NBPF8: variants seen among roughly 807,000 people sequenced by gnomAD.
NBPF8 encodes the protein NBPF family member NBPF8.
intron 24 of NBPF8, 97 bp downstream of exon 22, chr1:120,465,468 G>A (rs1305296631): frequency 1.6e-5 from 8 of 495,762 alleles, no homozygotes; most frequent in East Asian, 1.1e-4. Context: ...CGTTTTCAAC[G>A]AAGACTGAAT....
At chr1:120,435,638 C>T (rs1329832122), upstream of NBPF8, among the ~76,000 whole-genome samples, 25 of 148,144 alleles carry the variant, frequency 1.7e-4, no homozygotes, top group African/African-American at 2.3e-4. Context: ...GTCAGGAGAT[C>T]GAGACCATCG....
intron 11 of NBPF8, among the ~76,000 whole-genome samples, chr1:120,450,508 T>A (rs1444893273): frequency 6.6e-6 from 1 of 152,174 alleles, no homozygotes; most frequent in Non-Finnish European, 1.5e-5. Context: ...TGCAGTGAAT[T>A]ACATGAGCTA....
intron 12 of NBPF8, among the ~76,000 whole-genome samples, chr1:120,451,864 C>A (rs1661284220): frequency 6.6e-6 from 1 of 151,056 alleles, no homozygotes; most frequent in East Asian, 1.9e-4. Flanking sequence ...TAGGAAGACA[C>A]CTACTTTTGT....
chr1:120,446,247 T>G (rs1272052925), intron 8 of NBPF8, among the ~76,000 whole-genome samples: 1 of 126,124 alleles, frequency 7.9e-6, no homozygotes, highest in African/African-American at 3.1e-5. Context: ...TGTCCCTCCT[T>G]CCTTGATGGA....
downstream of NBPF8, among the ~76,000 whole-genome samples, chr1:120,468,874 C>A (rs1355618400): frequency 6.6e-6 from 1 of 151,570 alleles, no homozygotes; most frequent in African/African-American, 2.4e-5. Flanking sequence ...CCTCTGCCGT[C>A]GTGTGGCTCC....
chr1:120,434,228 A>T (rs1432726038), upstream of NBPF8, among the ~76,000 whole-genome samples: 1 of 148,110 alleles, frequency 6.8e-6, no homozygotes, highest in Non-Finnish European at 1.5e-5. Context: ...AAAGAAAAAA[A>T]TATATATATA....
rs1169411325 is a variant in NBPF8, at chr1:120,460,492, G to C, written n.2785-81G>C. 3.1e-3 allele frequency: 2,571 copies of C among 842,520 alleles called. 45 individuals are homozygous for C. In the African/African-American group the frequency reaches 0.039, roughly 13 times the overall value. 52.2% of individuals were successfully genotyped at this position (842,520 alleles called of 1,614,324 possible). On this transcript the variant is annotated intron_variant and non_coding_transcript_variant, in intron 17 of 24. Coordinates refer to ENST00000583271, the Ensembl canonical transcript of NBPF8. ...ACATTGACAAGACTGATGTCCCTGT[G>C]TTAGGATTGGACAGAGGAATGTTTC... is the stretch of plus-strand genomic sequence containing the variant.
intron 22 of NBPF8, among the ~76,000 whole-genome samples, 193 bp from the exon 21 acceptor site, chr1:120,464,181 GTC>G (rs1661675071): frequency 1.9e-4 from 19 of 97,506 alleles, no homozygotes; most frequent in African/African-American, 5.5e-4. Flanking sequence ...GTGTGTGTCT[GTC>G]TGTCTTTCTC....
At chr1:120,415,212 G>A (rs1221045335), upstream of NBPF8, among the ~76,000 whole-genome samples, 1 of 152,208 alleles carries the variant, frequency 6.6e-6, no homozygotes, top group South Asian at 2.1e-4. Flanking sequence ...CCGAGGCGCG[G>A]CGCACGGATG....
Position 120,462,967 on chromosome 1 carries a change from G to A in NBPF8, n.3234+1G>A. ...CTTGGCTTGGCTCTTGACGTGGACA[G>A]TGAGTACCTTACTATGAAGGTGATA... On this transcript the variant is annotated splice_donor_variant and non_coding_transcript_variant, in intron 21 of 24. Coordinates refer to ENST00000583271, the Ensembl canonical transcript of NBPF8. 1.9e-6 allele frequency: 1 copy of A among 527,398 alleles called. No individual in the cohort carries two copies. Among genetic ancestry groups the A allele is most frequent in the Non-Finnish European group, 3.3e-6 (1 of 306,308 alleles). 32.7% of individuals were successfully genotyped at this position (527,398 alleles called of 1,614,324 possible).
intron 3 of NBPF8, among the ~76,000 whole-genome samples, chr1:120,428,338 A>G (rs1206551159): frequency 3.3e-5 from 5 of 152,218 alleles, no homozygotes; most frequent in African/African-American, 4.8e-5. Flanking sequence ...TGCTTGCAAA[A>G]ACAAAGTAGC....
intron 1 of NBPF8, among the ~76,000 whole-genome samples, chr1:120,425,461 C>T (rs1464456881): frequency 1.1e-4 from 16 of 152,106 alleles, no homozygotes; most frequent in African/African-American, 2.2e-4. Context: ...CATTTGTTAA[C>T]GTGTTTACCT....
intron 3 of NBPF8, among the ~76,000 whole-genome samples, chr1:120,431,267 G>A (rs1660865723): frequency 7.0e-6 from 1 of 142,228 alleles, no homozygotes; most frequent in African/African-American, 2.7e-5. Context: ...GTGTGTGTGT[G>A]TGTGTGTGTG....
upstream of NBPF8, among the ~76,000 whole-genome samples, chr1:120,416,931 A>G (rs1159134056): frequency 7.5e-6 from 1 of 134,198 alleles, no homozygotes; most frequent in Non-Finnish European, 1.6e-5. Flanking sequence ...GAGATTGAGT[A>G]TCTTTTATTG....
At chr1:120,421,601 T>G (rs1246468980) in intron 1 of NBPF8, among the ~76,000 whole-genome samples, 5 of 149,548 alleles carry the variant, frequency 3.3e-5, no homozygotes, top group African/African-American at 9.9e-5. Context: ...TCTCTCATGC[T>G]CTCTCTTTTT....
chr1:120,451,983 A>G (rs1476367950), intron 12 of NBPF8, 134 bp from the exon 11 acceptor site: 14 of 1,008,246 alleles, frequency 1.4e-5, no homozygotes, highest in Non-Finnish European at 2.2e-5. Flanking sequence ...GGCCACAGAC[A>G]TTCCTTTCAA....
At chr1:120,431,350 C>A (rs1660870597) in intron 3 of NBPF8, among the ~76,000 whole-genome samples, 3 of 33,704 alleles carry the variant, frequency 8.9e-5, no homozygotes, top group South Asian at 6.7e-4. Context: ...TTATCATCTC[C>A]AAATAGGGAA....
At chr1:120,428,330 C>T (rs116664769) in intron 3 of NBPF8, among the ~76,000 whole-genome samples, 3,358 of 152,288 alleles carry the variant, frequency 0.022, 54 homozygotes, top group East Asian at 0.086. Flanking sequence ...AGGATACATG[C>T]TTGCAAAAAC....
intron 16 of NBPF8, among the ~76,000 whole-genome samples, chr1:120,455,838 C>A (rs1343824171): frequency 6.6e-6 from 1 of 151,780 alleles, no homozygotes; most frequent in East Asian, 1.9e-4. Context: ...CTTTGCTTCT[C>A]TCGTTATTTT....
Sources: allele counts gnomAD v4.1 joint callset (sites outside exome capture counted in the v4.1 genomes callset), GRCh38; gene constraint gnomAD v4.1.1; transcripts MANE v1.5; gene names NCBI Gene and HGNC (gene_info 2026-07-23, HGNC 2026-07-21).